MMP26: variants seen among roughly 807,000 people sequenced by gnomAD.
MMP26 encodes the protein matrix metallopeptidase 26, also known as matrix metalloproteinase-26.
A neutral mutation model predicts 31.0 loss-of-function variants in MMP26; 33 were observed. That is an observed-to-expected ratio of 1.06 (90% CI 0.81 to 1.42). MMP26 has a LOEUF of 1.42. Ranked by LOEUF, MMP26 falls within the 40% of genes most tolerant of loss-of-function variation. The probability of loss-of-function intolerance (pLI) is 0.00; values close to 1 mark genes in which losing one functional copy is unlikely to be tolerated. For missense variants in MMP26, 347 were observed against 316.1 expected (o/e 1.10, Z -0.74); for synonymous variants, 122 against 114.9 (o/e 1.06, Z -0.40).
intron 2 of MMP26, among the ~76,000 whole-genome samples, chr11:4,964,638 A>G (rs1199586164): frequency 6.6e-6 from 1 of 152,198 alleles, no homozygotes; most frequent in Non-Finnish European, 1.5e-5. Flanking sequence ...TTGCAGTACC[A>G]TTCATAATAG....
At chr11:4,987,069 A>G (rs539396302) in intron 2 of MMP26, among the ~76,000 whole-genome samples, 32 of 149,960 alleles carry the variant, frequency 2.1e-4, no homozygotes, top group South Asian at 1.9e-3. Context: ...TTTAGTAGAC[A>G]TGGAGTTTCA....
chr11:4,850,276 C>T (rs1368823), intron 2 of MMP26, among the ~76,000 whole-genome samples: 34,069 of 152,012 alleles, frequency 0.22, 4,644 homozygotes, highest in South Asian at 0.35. Flanking sequence ...TTCAAATAAT[C>T]CAAAGCAGAT....
intron 1 of MMP26, among the ~76,000 whole-genome samples, chr11:4,707,702 C>A (rs1023972117): frequency 6.6e-6 from 1 of 152,174 alleles, no homozygotes; most frequent in Non-Finnish European, 1.5e-5. Context: ...ATGAATTTAA[C>A]TTATAATTTG....
intron 2 of MMP26, among the ~76,000 whole-genome samples, chr11:4,892,770 T>A (rs1850645037): frequency 6.6e-6 from 1 of 152,196 alleles, no homozygotes; most frequent in African/African-American, 2.4e-5. Flanking sequence ...TGGCATGATC[T>A]TTGTCACTTC....
At chr11:4,818,565 G>C (rs1176750304) in intron 2 of MMP26, among the ~76,000 whole-genome samples, 6 of 151,622 alleles carry the variant, frequency 4.0e-5, no homozygotes, top group Non-Finnish European at 7.4e-5. Flanking sequence ...TTTCATCTTT[G>C]TTAATTGCTT....
chr11:4,871,514 A>C (rs1850310245), intron 2 of MMP26, among the ~76,000 whole-genome samples: 1 of 152,116 alleles, frequency 6.6e-6, no homozygotes, highest in Admixed American at 6.6e-5. Context: ...GATCTGTATT[A>C]GGCAAAGCCG....
intron 2 of MMP26, among the ~76,000 whole-genome samples, chr11:4,881,552 A>G (rs181655538): frequency 6.6e-6 from 1 of 152,266 alleles, no homozygotes. Context: ...TACATCATAT[A>G]CAAGTATAAA....
intron 2 of MMP26, among the ~76,000 whole-genome samples, chr11:4,962,474 T>A (rs1254738907): frequency 2.0e-5 from 3 of 152,178 alleles, no homozygotes; most frequent in Non-Finnish European, 4.4e-5. Context: ...TTAGGACAGA[T>A]GATAGAGGCA....
intron 2 of MMP26, among the ~76,000 whole-genome samples, chr11:4,865,194 G>T (rs1448324797): frequency 1.3e-5 from 2 of 151,860 alleles, no homozygotes; most frequent in Non-Finnish European, 2.9e-5. Context: ...ATTGCCAAAG[G>T]CCTCACATAT....
intron 2 of MMP26, chr11:4,908,342 A>G: frequency 6.4e-7 from 1 of 1,565,826 alleles, no homozygotes; most frequent in Non-Finnish European, 8.8e-7. Flanking sequence ...ATTATCAACC[A>G]GTAGGCATTT....
At chr11:4,920,982 A>G (rs1037081100) in intron 2 of MMP26, among the ~76,000 whole-genome samples, 1 of 152,198 alleles carries the variant, frequency 6.6e-6, no homozygotes, top group Non-Finnish European at 1.5e-5. Context: ...GTGAATATTT[A>G]TTGAATTCTG....
chr11:4,990,519 A>G, intron 4 of MMP26, 79 bp from the exon 5 acceptor site: 1 of 1,351,856 alleles, frequency 7.4e-7, no homozygotes, highest in Non-Finnish European at 1.0e-6. Flanking sequence ...GATTCTCCCC[A>G]AAGTAGAATT....
intron 2 of MMP26, chr11:4,946,585 C>T (rs775405916): frequency 2.5e-6 from 4 of 1,573,434 alleles, no homozygotes; most frequent in Admixed American, 1.7e-5. Flanking sequence ...ATTGGTTTTT[C>T]TTGCAATATC....
At chr11:4,978,899 T>G (rs889468447) in intron 2 of MMP26, among the ~76,000 whole-genome samples, 1 of 152,140 alleles carries the variant, frequency 6.6e-6, no homozygotes, top group Non-Finnish European at 1.5e-5. Context: ...AGAAAAGGAC[T>G]ATACCCTAAA....
rs529872604 is a variant in MMP26 at position 4,989,814 on chromosome 11, A to G, written c.266A>G (p.Asp89Gly). Residue 89 changes from aspartate (D) to glycine (G), a missense_variant, in exon 4 of 8, where the codon GAC becomes GGC. By Grantham distance (94) the Asp-to-Gly change is moderately conservative. Transcript: ENST00000380390. ...QPHCGVPDGS[D>G]TSISPGRCKW... ...CACTGTGGGGTGCCTGATGGGTCCG[A>G]CACCTCCATCTCGCCAGGAAGATGC... 2.5e-5 allele frequency: 40 copies of G among 1,613,322 alleles called. No individual in the cohort carries two copies. In the South Asian group the frequency reaches 4.3e-4, roughly 17 times the overall value.
intron 1 of MMP26, among the ~76,000 whole-genome samples, chr11:4,755,734 C>T (rs971784389): frequency 2.0e-5 from 3 of 151,888 alleles, no homozygotes; most frequent in African/African-American, 7.3e-5. Flanking sequence ...GGAAATTATA[C>T]CAGAAACTGC....
chr11:4,790,348 C>G (rs1245169992), intron 2 of MMP26, among the ~76,000 whole-genome samples: 1 of 151,984 alleles, frequency 6.6e-6, no homozygotes, highest in Non-Finnish European at 1.5e-5. Context: ...GACTCTGTCT[C>G]AAAAACAAAC....
intron 1 of MMP26, among the ~76,000 whole-genome samples, chr11:4,741,379 T>C (rs900386338): frequency 6.6e-6 from 1 of 152,174 alleles, no homozygotes; most frequent in Non-Finnish European, 1.5e-5. Flanking sequence ...CTGTTTACAA[T>C]AGCAAAGTCA....
chr11:4,768,053 A>G (rs541001244), intron 2 of MMP26, among the ~76,000 whole-genome samples: 40 of 149,192 alleles, frequency 2.7e-4, no homozygotes, highest in Admixed American at 2.6e-3. Flanking sequence ...GGAGTCACAT[A>G]GGTCTTTAAT....
Sources: allele counts gnomAD v4.1 joint callset (sites outside exome capture counted in the v4.1 genomes callset), GRCh38; gene constraint gnomAD v4.1.1; transcripts MANE v1.5; gene names NCBI Gene and HGNC (gene_info 2026-07-23, HGNC 2026-07-21).